TMEM132D: variants seen among roughly 807,000 people sequenced by gnomAD.
TMEM132D encodes transmembrane protein 132D.
A neutral mutation model predicts 62.3 loss-of-function variants in TMEM132D; 21 were observed. The observed-to-expected ratio is 0.34, with a 90% CI of 0.24 to 0.49. The LOEUF is 0.49. TMEM132D is among the 20% of genes least tolerant of loss of function. TMEM132D has a pLI of 0.99. For missense variants in TMEM132D, 1,346 were observed against 1,402.8 expected (o/e 0.96, Z 0.65); for synonymous variants, 621 against 575.6 (o/e 1.08, Z -1.13).
At chr12:129,744,858 C>T (rs1170433752) in intron 1 of TMEM132D, among the ~76,000 whole-genome samples, 1 of 152,140 alleles carries the variant, frequency 6.6e-6, no homozygotes, top group African/African-American at 2.4e-5. Flanking sequence ...TGGTTGGGCT[C>T]TGTGTCCCCA....
chr12:129,244,602 T>C (rs1468505437), intron 4 of TMEM132D, among the ~76,000 whole-genome samples: 1 of 151,430 alleles, frequency 6.6e-6, no homozygotes, highest in African/African-American at 2.5e-5. Flanking sequence ...GTGGTGTTTT[T>C]TTATGTTTGT....
chr12:129,710,719 A>G (rs1881620134), intron 1 of TMEM132D, among the ~76,000 whole-genome samples: 1 of 152,198 alleles, frequency 6.6e-6, no homozygotes, highest in Non-Finnish European at 1.5e-5. Context: ...ACTTGAATGT[A>G]AGACAAACTA....
intron 4 of TMEM132D, among the ~76,000 whole-genome samples, chr12:129,291,277 G>A (rs1881440201): frequency 6.6e-6 from 1 of 152,204 alleles, no homozygotes; most frequent in South Asian, 2.1e-4. Context: ...GTTAAATAAT[G>A]AGGTTTCATC....
intron 1 of TMEM132D, among the ~76,000 whole-genome samples, chr12:129,765,662 T>C (rs947393476): frequency 4.6e-5 from 7 of 152,234 alleles, no homozygotes; most frequent in African/African-American, 1.4e-4. Flanking sequence ...CATCTCCTTT[T>C]GTGGATACCC....
chr12:129,483,759 C>T (rs562972456), intron 3 of TMEM132D, among the ~76,000 whole-genome samples: 1 of 152,236 alleles, frequency 6.6e-6, no homozygotes, highest in South Asian at 2.1e-4. Flanking sequence ...ACTCAGTGCC[C>T]CAATTAGGGG....
chr12:129,131,618 G>A (rs2135525341), intron 5 of TMEM132D, among the ~76,000 whole-genome samples: 1 of 152,046 alleles, frequency 6.6e-6, no homozygotes, highest in African/African-American at 2.4e-5. Flanking sequence ...AAAAAAGAAA[G>A]AAAGAAAGAA....
intron 1 of TMEM132D, among the ~76,000 whole-genome samples, chr12:129,848,110 C>T (rs1431780947): frequency 6.6e-6 from 1 of 152,122 alleles, no homozygotes; most frequent in African/African-American, 2.4e-5. Flanking sequence ...GAGTTGACTC[C>T]CCTCTGGATG....
At chr12:129,187,115 T>G (rs938478915) in intron 5 of TMEM132D, among the ~76,000 whole-genome samples, 1 of 152,188 alleles carries the variant, frequency 6.6e-6, no homozygotes, top group African/African-American at 2.4e-5. Context: ...CAGCCTCCTT[T>G]GCAGGAGCAT....
At chr12:129,567,264 C>T (rs900069444) in intron 2 of TMEM132D, among the ~76,000 whole-genome samples, 1 of 152,136 alleles carries the variant, frequency 6.6e-6, no homozygotes, top group Admixed American at 6.5e-5. Flanking sequence ...TTTGGAAGTG[C>T]AACATCACTA....
chr12:129,208,302 G>A (rs10847797), intron 5 of TMEM132D, among the ~76,000 whole-genome samples: 76,860 of 152,006 alleles, frequency 0.51, 21,343 homozygotes, highest in Middle Eastern at 0.63. Context: ...AATGTAAGAT[G>A]AGCCTAGATA....
chr12:129,256,270 G>T (rs1361029203), intron 4 of TMEM132D, among the ~76,000 whole-genome samples: 3 of 152,042 alleles, frequency 2.0e-5, no homozygotes, highest in Non-Finnish European at 4.4e-5. Context: ...CATCTGTCTT[G>T]CCCTCCTAAA....
chr12:129,298,958 C>A (rs1253802812), intron 4 of TMEM132D, among the ~76,000 whole-genome samples: 1 of 152,184 alleles, frequency 6.6e-6, no homozygotes, highest in Non-Finnish European at 1.5e-5. Flanking sequence ...AGGGCTTTTG[C>A]CATTCAAAAC....
intron 1 of TMEM132D, among the ~76,000 whole-genome samples, chr12:129,726,267 C>A (rs886555334): frequency 6.6e-6 from 1 of 152,130 alleles, no homozygotes; most frequent in African/African-American, 2.4e-5. Context: ...CCCCAGGAGT[C>A]CTTCCAATGA....
chr12:129,481,463 CAAA>C (rs60589482), intron 3 of TMEM132D, among the ~76,000 whole-genome samples: 1,915 of 103,058 alleles, frequency 0.019, 39 homozygotes, highest in African/African-American at 0.054. Flanking sequence ...ACCCTGTCTC[CAAA>C]AAAAAAAAAA....
At chr12:129,654,297 AGT>A (rs10607475) in intron 2 of TMEM132D, among the ~76,000 whole-genome samples, 75,468 of 148,256 alleles carry the variant, frequency 0.51, 19,299 homozygotes, top group Middle Eastern at 0.57. Context: ...TGTGTGTGTG[AGT>A]GTGTGTGTGT....
intron 5 of TMEM132D, among the ~76,000 whole-genome samples, chr12:129,127,203 T>C (rs1204381272): frequency 6.6e-6 from 1 of 152,202 alleles, no homozygotes; most frequent in Non-Finnish European, 1.5e-5. Flanking sequence ...GAGTTTTTGT[T>C]TTTTTCAATC....
intron 3 of TMEM132D, among the ~76,000 whole-genome samples, chr12:129,509,592 C>T (rs1439542620): frequency 6.6e-6 from 1 of 151,992 alleles, no homozygotes; most frequent in Non-Finnish European, 1.5e-5. Flanking sequence ...TTTTTTGTAT[C>T]CAGTAACCAT....
intron 3 of TMEM132D, among the ~76,000 whole-genome samples, chr12:129,424,233 G>A (rs1034219621): frequency 8.0e-5 from 12 of 150,502 alleles, no homozygotes; most frequent in African/African-American, 2.2e-4. Flanking sequence ...GACAAATATC[G>A]CATGAGCGGG....
At chr12:129,152,993 T>C (rs1270967858) in intron 5 of TMEM132D, among the ~76,000 whole-genome samples, 2 of 152,264 alleles carry the variant, frequency 1.3e-5, no homozygotes, top group East Asian at 3.9e-4. Context: ...CTGCCAACTC[T>C]TCCGAGCTCT....
Sources: gnomAD v4.1 joint callset for allele counts (sites outside exome capture counted in the v4.1 genomes callset) on GRCh38, gnomAD v4.1.1 for gene constraint, MANE v1.5 for transcripts, NCBI Gene and HGNC (gene_info 2026-07-23, HGNC 2026-07-21) for gene names.